The following TSPAN7 variants were observed in gnomAD, a reference collection of about 807,000 sequenced individuals.
TSPAN7 encodes tetraspanin 7, also known as tetraspanin-7.
In TSPAN7, 1 loss-of-function variant was observed where a neutral mutation model predicts 17.6. The observed-to-expected ratio is 0.06, with a 90% CI of 0.02 to 0.27. The LOEUF (loss-of-function observed/expected upper bound fraction) is 0.27. Among genes scored for constraint, TSPAN7 ranks in the 10% least tolerant of loss-of-function variants. TSPAN7 has a pLI of 1.00. For missense variants in TSPAN7, 112 were observed against 201.7 expected, an observed-to-expected ratio of 0.56 and a Z score of 2.69; for synonymous variants, 78 against 79.0, an observed-to-expected ratio of 0.99 and a Z score of 0.07.
At chrX:38,646,397 A>G (rs1443542768) in intron 1 of TSPAN7, 1 of 902,755 alleles carries the variant, frequency 1.1e-6, no homozygotes, top group Non-Finnish European at 1.5e-6. Flanking sequence ...GTTTGTTTTT[A>G]CTCTCCCTGA....
intron 5 of TSPAN7, among the ~76,000 whole-genome samples, chrX:38,679,602 C>T (rs770742618): frequency 9.0e-6 from 1 of 110,533 alleles, no homozygotes; most frequent in African/African-American, 3.3e-5. Context: ...GAGTTTGAGA[C>T]TAACCTGGCC....
At chrX:38,644,394 G>GT (rs1331883922) in intron 1 of TSPAN7, among the ~76,000 whole-genome samples, 4 of 112,025 alleles carry the variant, frequency 3.6e-5, no homozygotes, top group African/African-American at 6.5e-5. Context: ...ATCATAGCTT[G>GT]TTTTTTCAGA....
At position 38,681,137 on chromosome X, in the gene TSPAN7, G is replaced by T. The variant is rs753475356; in HGVS notation, c.598-67G>T. On this transcript the variant is annotated intron_variant, in intron 5 of 7. Coordinates refer to ENST00000378482, the MANE Select transcript of TSPAN7 (RefSeq NM_004615.4). ...TTGAAGTGTATGTTGGGAGTGTTTC[G>T]AGTACACATAGCCCAGCTTGGCCTG... is the stretch of plus-strand genomic sequence containing the variant. 1.9e-5 allele frequency: 17 copies of T among 904,665 alleles called. No individual in the cohort carries two copies. The South Asian group carries it at 3.2e-4, about 17-fold the overall frequency. 74.6% of individuals were successfully genotyped at this position (904,665 alleles called of 1,213,427 possible).
intron 1 of TSPAN7, among the ~76,000 whole-genome samples, chrX:38,601,308 G>T (rs983319326): frequency 3.6e-5 from 4 of 111,507 alleles, no homozygotes; most frequent in Middle Eastern, 4.6e-3. Context: ...TCAAACAAGA[G>T]TCAAGGGAGT....
At chrX:38,633,143 T>G (rs751675070) in intron 1 of TSPAN7, among the ~76,000 whole-genome samples, 4 of 112,770 alleles carry the variant, frequency 3.5e-5, no homozygotes, top group East Asian at 5.5e-4. Flanking sequence ...TTGCATGTGA[T>G]AGATTTTTAG....
intron 1 of TSPAN7, among the ~76,000 whole-genome samples, chrX:38,600,458 C>A (rs2069340147): frequency 9.0e-6 from 1 of 111,602 alleles, no homozygotes; most frequent in Non-Finnish European, 1.9e-5. Flanking sequence ...GGCTTACTGA[C>A]TGCCATTCAC....
chrX:38,638,691 G>A (rs2069595681), intron 1 of TSPAN7, among the ~76,000 whole-genome samples: 1 of 111,397 alleles, frequency 9.0e-6, no homozygotes, highest in Admixed American at 9.5e-5. Flanking sequence ...GGCACTCCAG[G>A]TCTTAAATCA....
intron 1 of TSPAN7, among the ~76,000 whole-genome samples, chrX:38,665,635 G>A (rs1290654118): frequency 2.7e-5 from 3 of 111,966 alleles, no homozygotes; most frequent in African/African-American, 9.8e-5. Context: ...GGAATATTTT[G>A]TTTTTGTGGA....
intron 1 of TSPAN7, among the ~76,000 whole-genome samples, chrX:38,582,498 A>G (rs2069232865): frequency 8.9e-6 from 1 of 111,925 alleles, no homozygotes; most frequent in Admixed American, 9.4e-5. Context: ...CCTGGCTTAA[A>G]TCGAGTGTTC....
Position 38,573,806 on chromosome X carries a change from A to G in TSPAN7, c.81+12179A>G, listed in dbSNP as rs752917122. On this transcript the variant is annotated intron_variant, in intron 1 of 7. Transcript: ENST00000378482. ...ATGTCCCTCAATTTGGATTTGCCTG[A>G]TGTTTTTTTCATGATTACAATGTAG... Among the ~76,000 whole-genome samples the G allele has an allele frequency of 4.5e-5, 5 of 111,507 alleles. 1 individual carries two copies. In the Admixed American group the frequency reaches 4.8e-4, roughly 11 times the overall value.
intron 1 of TSPAN7, among the ~76,000 whole-genome samples, chrX:38,633,665 C>T (rs868050003): frequency 4.5e-5 from 5 of 112,128 alleles, no homozygotes; most frequent in Non-Finnish European, 9.4e-5. Context: ...ATACTTTATT[C>T]ATGTCAACAT....
chrX:38,672,545 C>T (rs1002053773), intron 3 of TSPAN7, among the ~76,000 whole-genome samples: 1 of 111,072 alleles, frequency 9.0e-6, no homozygotes, highest in African/African-American at 3.3e-5. Context: ...CATTCATAGT[C>T]TCTAGTGAAG....
At chrX:38,617,290 G>T (rs1182626016) in intron 1 of TSPAN7, among the ~76,000 whole-genome samples, 1 of 112,513 alleles carries the variant, frequency 8.9e-6, no homozygotes, top group Non-Finnish European at 1.9e-5. Flanking sequence ...ATGTTTTAAA[G>T]ATTTCATTTT....
chrX:38,573,884 T>C (rs969047820), intron 1 of TSPAN7, among the ~76,000 whole-genome samples: 1 of 111,818 alleles, frequency 8.9e-6, no homozygotes, highest in African/African-American at 3.2e-5. Context: ...TTCAATCATA[T>C]CATATTAAGG....
intron 1 of TSPAN7, among the ~76,000 whole-genome samples, chrX:38,621,619 G>A (rs1428078303): frequency 8.9e-6 from 1 of 112,275 alleles, no homozygotes; most frequent in Non-Finnish European, 1.9e-5. Flanking sequence ...AACTGGTAAC[G>A]GTGGTTTGCT....
chrX:38,663,176 C>CAG (rs998972153), intron 1 of TSPAN7, among the ~76,000 whole-genome samples: 2 of 106,862 alleles, frequency 1.9e-5, no homozygotes, highest in African/African-American at 7.2e-5. Context: ...CACACACACA[C>CAG]ACACAGACAC....
At chrX:38,606,252 G>C (rs1347704839) in intron 1 of TSPAN7, among the ~76,000 whole-genome samples, 4 of 111,338 alleles carry the variant, frequency 3.6e-5, no homozygotes, top group African/African-American at 1.3e-4. Flanking sequence ...GTGGGCAAAG[G>C]ACATGAACAG....
chrX:38,585,288 T>G (rs771976743), intron 1 of TSPAN7, among the ~76,000 whole-genome samples: 1 of 112,117 alleles, frequency 8.9e-6, no homozygotes, highest in Admixed American at 9.5e-5. Flanking sequence ...TCTTCAGCAC[T>G]TCCTCTTATT....
intron 1 of TSPAN7, among the ~76,000 whole-genome samples, chrX:38,642,036 T>G (rs770681316): frequency 8.0e-5 from 9 of 112,234 alleles, no homozygotes; most frequent in Non-Finnish European, 1.1e-4. Flanking sequence ...CTTGTCATGT[T>G]TCTCCTGAAA....
Sources: allele counts gnomAD v4.1 joint callset (sites outside exome capture counted in the v4.1 genomes callset), GRCh38; gene constraint gnomAD v4.1.1; transcripts MANE v1.5; gene names NCBI Gene and HGNC (gene_info 2026-07-23, HGNC 2026-07-21).